CARMIL1: variants seen among roughly 807,000 people sequenced by gnomAD.
CARMIL1 encodes the protein capping protein regulator and myosin 1 linker 1, also known as F-actin-uncapping protein LRRC16A.
In CARMIL1, 90 loss-of-function variants were observed where a neutral mutation model predicts 177.1. The observed-to-expected ratio is 0.51, with a 90% CI of 0.43 to 0.61. CARMIL1 has a LOEUF of 0.61. Ranked by LOEUF, CARMIL1 falls within the 20% of genes least tolerant of loss-of-function variation. The pLI, the probability that CARMIL1 is intolerant of heterozygous loss-of-function variation, is 0.00. For missense variants in CARMIL1, 1,380 were observed against 1,667.0 expected (o/e 0.83, Z 3.00); for synonymous variants, 577 against 606.2 (o/e 0.95, Z 0.71).
intron 9 of CARMIL1, among the ~76,000 whole-genome samples, chr6:25,467,418 A>AG (rs1800708065): frequency 1.3e-5 from 2 of 152,368 alleles, no homozygotes; most frequent in South Asian, 4.1e-4. Context: ...CTACCATGTC[A>AG]GTTTTTCTGG....
At chr6:25,592,974 C>G (rs1032510499) in intron 31 of CARMIL1, among the ~76,000 whole-genome samples, 3 of 152,168 alleles carry the variant, frequency 2.0e-5, no homozygotes, top group African/African-American at 7.2e-5. Flanking sequence ...AAGAGACATG[C>G]TAACTTAGTA....
chr6:25,464,302 T>C (rs1800404653), intron 8 of CARMIL1, among the ~76,000 whole-genome samples: 1 of 152,168 alleles, frequency 6.6e-6, no homozygotes, highest in African/African-American at 2.4e-5. Context: ...AGCATGTCTA[T>C]TGAAACTGCA....
Position 25,594,490 on chromosome 6 carries a change from G to T in CARMIL1, c.3082G>T (p.Glu1028Ter). The T allele has an allele frequency of 6.2e-7, 1 of 1,612,904 alleles. No homozygotes were observed. ...GGGGAGAGTGGATGAAGGTGTAGAT[G>T]AATTTTTTACCAAGAAGGTGACCAA... ...LMGRVDEGVD[E>*]FFTKKVTKMD... The change falls in exon 32 of 37, where the codon GAA becomes TAA. Residue 1028 changes from glutamate (E) to a stop codon, truncating the protein, a stop_gained. Transcript: ENST00000329474. LOFTEE classifies it high-confidence loss of function.
intron 29 of CARMIL1, among the ~76,000 whole-genome samples, chr6:25,570,453 T>C (rs1811976855): frequency 6.6e-6 from 1 of 152,212 alleles, no homozygotes; most frequent in African/African-American, 2.4e-5. Flanking sequence ...TTATTTGCTT[T>C]TTAAGGAGAA....
chr6:25,387,067 T>G (rs1792241584), intron 2 of CARMIL1, among the ~76,000 whole-genome samples: 1 of 132,458 alleles, frequency 7.5e-6, no homozygotes, highest in South Asian at 2.4e-4. Context: ...GAGGCCGAGA[T>G]CGCACCATTG....
intron 26 of CARMIL1, among the ~76,000 whole-genome samples, chr6:25,545,342 A>G (rs1809345758): frequency 6.6e-6 from 1 of 152,178 alleles, no homozygotes; most frequent in East Asian, 1.9e-4. Flanking sequence ...CCAGAGAGAA[A>G]CAGGTCCGTG....
chr6:25,495,239 C>T, intron 16 of CARMIL1, 24 bp downstream of exon 16: 4 of 1,476,746 alleles, frequency 2.7e-6, no homozygotes, highest in Non-Finnish European at 3.7e-6. Flanking sequence ...TCACTTTCTC[C>T]AGAGCTTTTA....
chr6:25,556,909 T>TG (rs1562282910), intron 29 of CARMIL1, 59 bp downstream of exon 29: 6 of 1,487,498 alleles, frequency 4.0e-6, no homozygotes, highest in Non-Finnish European at 5.4e-6. Flanking sequence ...CCATTGTTTT[T>TG]TTTTTTTTTT....
intron 23 of CARMIL1, among the ~76,000 whole-genome samples, chr6:25,525,573 G>A (rs1415892055): frequency 6.6e-6 from 1 of 152,144 alleles, no homozygotes; most frequent in African/African-American, 2.4e-5. Context: ...ATAAAATAAG[G>A]TAGCATTATA....
chr6:25,471,162 G>A lies in CARMIL1; in HGVS notation c.691-7G>A, dbSNP rs370432106. The stretch of plus-strand genomic sequence containing the variant: ...ATGGAATAGTCAAAGAATGTTTTCT[G>A]TTACAGTCCACTGATGTCTGTGAAC... On this transcript the variant is annotated splice_region_variant and splice_polypyrimidine_tract_variant and intron_variant, in intron 9 of 36. Coordinates refer to ENST00000329474, the MANE Select transcript of CARMIL1 (RefSeq NM_017640.6). 33 of 1,585,816 alleles carry A rather than the reference G, an allele frequency of 2.1e-5. 1 individual carries two copies. In the South Asian group the frequency reaches 2.5e-4, roughly 12 times the overall value.
At chr6:25,546,755 AATAGTAAC>A (rs1340596478) in intron 26 of CARMIL1, among the ~76,000 whole-genome samples, 1 of 151,932 alleles carries the variant, frequency 6.6e-6, no homozygotes, top group Non-Finnish European at 1.5e-5. Flanking sequence ...CACCATTTAA[AATAGTAAC>A]AGAGAGCCTG....
chr6:25,518,779 T>C (rs1037641753), intron 22 of CARMIL1, among the ~76,000 whole-genome samples: 3 of 152,182 alleles, frequency 2.0e-5, no homozygotes, highest in African/African-American at 7.2e-5. Context: ...CGATTATATA[T>C]GCTCTGCTCC....
intron 2 of CARMIL1, among the ~76,000 whole-genome samples, chr6:25,337,061 T>C (rs1402371579): frequency 6.6e-6 from 1 of 152,208 alleles, no homozygotes; most frequent in African/African-American, 2.4e-5. Context: ...GTGCAGTACT[T>C]ATTTGTCAGG....
intron 2 of CARMIL1, among the ~76,000 whole-genome samples, chr6:25,412,816 C>T (rs1795037550): frequency 6.6e-6 from 1 of 152,158 alleles, no homozygotes; most frequent in South Asian, 2.1e-4. Context: ...GCAAACCCTA[C>T]ACTAGGCTGT....
At chr6:25,362,288 T>C (rs1157479459) in intron 2 of CARMIL1, among the ~76,000 whole-genome samples, 1 of 152,238 alleles carries the variant, frequency 6.6e-6, no homozygotes. Context: ...TAAAAGTCAC[T>C]TCCCCTAATG....
chr6:25,333,015 A>G (rs1190201550), intron 2 of CARMIL1, among the ~76,000 whole-genome samples: 1 of 152,028 alleles, frequency 6.6e-6, no homozygotes, highest in East Asian at 1.9e-4. Flanking sequence ...TTTCTGCTGG[A>G]GAGACTAAAT....
chr6:25,466,628 TTAAGCC>T (rs1192726097), intron 9 of CARMIL1, among the ~76,000 whole-genome samples: 1 of 152,194 alleles, frequency 6.6e-6, no homozygotes, highest in Non-Finnish European at 1.5e-5. Context: ...ACTCTCACGT[TTAAGCC>T]TCTAACTTTC....
chr6:25,438,371 A>C (rs1797414014), intron 5 of CARMIL1, among the ~76,000 whole-genome samples: 1 of 152,210 alleles, frequency 6.6e-6, no homozygotes, highest in African/African-American at 2.4e-5. Flanking sequence ...TTACATTTTA[A>C]CTTGGGGAAA....
intron 17 of CARMIL1, among the ~76,000 whole-genome samples, chr6:25,503,865 T>TCCAGCGCATTTGGCTGGCAGGTGTTGAG (rs1307368408): frequency 5.3e-5 from 8 of 152,054 alleles, no homozygotes; most frequent in Non-Finnish European, 4.4e-5. Flanking sequence ...TGAGTCAAGG[T>TCCAGCGCATTTGGCTGGCAGGTGTTGAG]CCAGCGCATT....
Sources: allele counts gnomAD v4.1 joint callset (sites outside exome capture counted in the v4.1 genomes callset), GRCh38; gene constraint gnomAD v4.1.1; transcripts MANE v1.5; gene names NCBI Gene and HGNC (gene_info 2026-07-23, HGNC 2026-07-21).